The following CALN1 variants were observed in gnomAD, a reference collection of about 807,000 sequenced individuals.
CALN1 encodes the protein calcium-binding protein 8.
In CALN1, 17 loss-of-function variants were observed where a neutral mutation model predicts 30.6. The ratio of observed to expected loss-of-function variants is 0.56; its 90% confidence interval spans 0.38 to 0.83. The LOEUF (loss-of-function observed/expected upper bound fraction) is 0.83. Among genes scored for constraint, CALN1 ranks in the 40% least tolerant of loss-of-function variants. CALN1 has a pLI of 0.00. For missense variants in CALN1, 291 were observed against 354.9 expected, an observed-to-expected ratio of 0.82 and a Z score of 1.45; for synonymous variants, 156 against 131.4, an observed-to-expected ratio of 1.19 and a Z score of -1.28.
chr7:72,239,902 C>T (rs1246626069), intron 3 of CALN1, among the ~76,000 whole-genome samples: 1 of 152,174 alleles, frequency 6.6e-6, no homozygotes, highest in East Asian at 1.9e-4. Flanking sequence ...TAGTCTTGTA[C>T]ATTGCATGCC....
chr7:71,883,004 C>T (rs916004402), intron 5 of CALN1, among the ~76,000 whole-genome samples: 2 of 152,072 alleles, frequency 1.3e-5, no homozygotes, highest in Admixed American at 6.6e-5. Context: ...CATGAGCCGC[C>T]ACACCCAGCC....
chr7:72,229,359 C>T (rs570368240), intron 3 of CALN1, among the ~76,000 whole-genome samples: 2 of 152,148 alleles, frequency 1.3e-5, no homozygotes, highest in Admixed American at 1.3e-4. Flanking sequence ...GTGGCTCATG[C>T]CTGTAATCCC....
intron 5 of CALN1, among the ~76,000 whole-genome samples, chr7:71,858,583 CAG>C (rs1316898109): frequency 6.6e-6 from 1 of 151,888 alleles, no homozygotes; most frequent in Non-Finnish European, 1.5e-5. Context: ...AGAGGACAGA[CAG>C]AACTCAAAGT....
intron 5 of CALN1, among the ~76,000 whole-genome samples, chr7:72,011,455 G>A (rs1374172568): frequency 1.3e-5 from 2 of 152,080 alleles, no homozygotes; most frequent in African/African-American, 4.8e-5. Context: ...GCTCCTCCAG[G>A]ACACCATCCC....
intron 4 of CALN1, among the ~76,000 whole-genome samples, chr7:72,097,189 T>C (rs1806295952): frequency 6.6e-6 from 1 of 152,024 alleles, no homozygotes; most frequent in Admixed American, 6.6e-5. Flanking sequence ...GGGATAGCAT[T>C]AGGAGATATA....
chr7:71,828,863 C>G (rs1268793115), intron 5 of CALN1, among the ~76,000 whole-genome samples: 4 of 151,782 alleles, frequency 2.6e-5, no homozygotes, highest in African/African-American at 9.7e-5. Flanking sequence ...ATTCTCCTGC[C>G]TCAGCCTCCC....
chr7:72,017,299 A>G (rs1472490113), intron 5 of CALN1, among the ~76,000 whole-genome samples: 7 of 151,946 alleles, frequency 4.6e-5, no homozygotes, highest in Admixed American at 3.3e-4. Context: ...GTTTCTGGGG[A>G]GTAGATGCAG....
intron 2 of CALN1, among the ~76,000 whole-genome samples, chr7:72,374,548 G>A (rs1234696289): frequency 1.9e-4 from 24 of 125,676 alleles, no homozygotes; most frequent in East Asian, 4.3e-4. Context: ...AAAAAAAAAA[G>A]GAAAAAAAAG....
At chr7:72,246,753 A>ATTTTTTTTTTTTTTTTTTTTTTTTTTTTT (rs58282615) in intron 3 of CALN1, among the ~76,000 whole-genome samples, 1 of 116,572 alleles carries the variant, frequency 8.6e-6, no homozygotes, top group Non-Finnish European at 1.7e-5. Context: ...TACCAGAACA[A>ATTTTTTTTTTTTTTTTTTTTTTTTTTTTT]TTTTTTTTTT....
At chr7:72,196,071 G>A (rs1435249628) in intron 3 of CALN1, among the ~76,000 whole-genome samples, 2 of 151,998 alleles carry the variant, frequency 1.3e-5, no homozygotes, top group African/African-American at 2.4e-5. Flanking sequence ...GAGATATGGC[G>A]AGATTGGAGG....
At chr7:72,382,421 G>A (rs189179989) in intron 2 of CALN1, among the ~76,000 whole-genome samples, 305 of 152,290 alleles carry the variant, frequency 2.0e-3, no homozygotes, top group African/African-American at 7.2e-3. Context: ...GTGACAGACT[G>A]TCAGAAAAAT....
At chr7:71,988,297 G>C (rs1232513232) in intron 5 of CALN1, among the ~76,000 whole-genome samples, 2 of 152,128 alleles carry the variant, frequency 1.3e-5, no homozygotes, top group African/African-American at 4.8e-5. Flanking sequence ...AGCTTGTAAG[G>C]GGCATCTGGC....
intron 5 of CALN1, among the ~76,000 whole-genome samples, chr7:71,847,012 TC>T (rs1459532427): frequency 1.3e-5 from 2 of 150,416 alleles, no homozygotes; most frequent in African/African-American, 4.9e-5. Context: ...ATTGCTTATG[TC>T]ATGGAGGCTA....
At chr7:72,450,618 G>A (rs565484203), upstream of CALN1, among the ~76,000 whole-genome samples, 20 of 152,202 alleles carry the variant, frequency 1.3e-4, no homozygotes, top group African/African-American at 2.9e-4. Context: ...GGTGGATCAC[G>A]CCTGTAATCC....
Position 72,285,304 on chromosome 7 carries a change from G to A in CALN1, c.120-6494C>T, listed in dbSNP as rs550085082. Among the ~76,000 whole-genome samples, 9 of 152,264 alleles carry A rather than the reference G, an allele frequency of 5.9e-5. No homozygotes were observed. In the South Asian group the frequency reaches 1.9e-3, roughly 32 times the overall value. Reference sequence around the variant, plus strand: ...CTGTTGCCCAGGCTGGAGTGCAGTGGCACGATCTCAGCCACTGCAAGCTCC... The same window carrying A: ...CTGTTGCCCAGGCTGGAGTGCAGTGACACGATCTCAGCCACTGCAAGCTCC... On this transcript the variant is annotated intron_variant, in intron 2 of 6. Transcript: ENST00000395275.
intron 2 of CALN1, among the ~76,000 whole-genome samples, chr7:72,309,618 G>A (rs1585436121): frequency 6.6e-6 from 1 of 152,096 alleles, no homozygotes; most frequent in African/African-American, 2.4e-5. Context: ...GGAAGCTGAT[G>A]AATCAGAAGT....
chr7:71,804,078 T>A (rs992844263), intron 6 of CALN1, among the ~76,000 whole-genome samples: 3 of 152,172 alleles, frequency 2.0e-5, no homozygotes, highest in African/African-American at 7.2e-5. Context: ...TTTGGGGTCT[T>A]ATTTTTTTTC....
At chr7:72,172,945 G>C (rs1481404027) in intron 3 of CALN1, among the ~76,000 whole-genome samples, 1 of 151,692 alleles carries the variant, frequency 6.6e-6, no homozygotes, top group African/African-American at 2.4e-5. Flanking sequence ...TTGTATCCTA[G>C]GTCTTAGCCA....
intron 3 of CALN1, among the ~76,000 whole-genome samples, chr7:72,134,768 G>A (rs919205809): frequency 6.6e-6 from 1 of 152,130 alleles, no homozygotes; most frequent in African/African-American, 2.4e-5. Flanking sequence ...GAATTTGGCC[G>A]CACATAGATG....
Sources: gnomAD v4.1 joint callset for allele counts (sites outside exome capture counted in the v4.1 genomes callset) on GRCh38, gnomAD v4.1.1 for gene constraint, MANE v1.5 for transcripts, NCBI Gene and HGNC (gene_info 2026-07-23, HGNC 2026-07-21) for gene names.